Variants in KCTD8 observed in about 807,000 individuals in gnomAD.
The protein encoded by KCTD8 is potassium channel tetramerization domain containing 8.
A neutral mutation model predicts 31.5 loss-of-function variants in KCTD8; 27 were observed. That is an observed-to-expected ratio of 0.86 (90% CI 0.63 to 1.18). The LOEUF is 1.18. Ranked by LOEUF, KCTD8 falls within the 50% of genes most tolerant of loss-of-function variation. The pLI, the probability that KCTD8 is intolerant of heterozygous loss-of-function variation, is 0.00. For missense variants in KCTD8, 658 were observed against 647.7 expected (o/e 1.02, Z -0.17); for synonymous variants, 290 against 280.0 (o/e 1.04, Z -0.36).
intron 1 of KCTD8, among the ~76,000 whole-genome samples, chr4:44,193,104 A>G (rs187326855): frequency 3.2e-4 from 49 of 152,338 alleles, no homozygotes; most frequent in Non-Finnish European, 5.9e-4. Flanking sequence ...CCACTAGTTG[A>G]AAAAGATAAT....
chr4:44,411,012 C>T (rs1720940450), intron 1 of KCTD8, among the ~76,000 whole-genome samples: 1 of 152,104 alleles, frequency 6.6e-6, no homozygotes, highest in South Asian at 2.1e-4. Context: ...AGATTTTACA[C>T]AGGAGTTCTC....
At chr4:44,303,410 C>G (rs571476202) in intron 1 of KCTD8, among the ~76,000 whole-genome samples, 58 of 152,172 alleles carry the variant, frequency 3.8e-4, no homozygotes, top group Admixed American at 3.4e-3. Flanking sequence ...TGTTATTGGT[C>G]TATTCAGAGA....
intron 1 of KCTD8, among the ~76,000 whole-genome samples, chr4:44,314,073 A>G (rs1718030123): frequency 1.3e-5 from 2 of 152,218 alleles, no homozygotes; most frequent in South Asian, 2.1e-4. Context: ...AAGTTAAAAG[A>G]TACAGAAGGT....
chr4:44,357,399 T>C (rs1415927950), intron 1 of KCTD8, among the ~76,000 whole-genome samples: 1 of 152,182 alleles, frequency 6.6e-6, no homozygotes, highest in Non-Finnish European at 1.5e-5. Context: ...AATGAAGCAT[T>C]TGTCTTCCCG....
At chr4:44,218,857 T>G (rs182467344) in intron 1 of KCTD8, among the ~76,000 whole-genome samples, 4 of 152,274 alleles carry the variant, frequency 2.6e-5, no homozygotes, top group African/African-American at 9.6e-5. Flanking sequence ...CTCTGCTTCA[T>G]GAAACTGTAA....
In KCTD8 at chr4:44,396,309, G is replaced by T. The variant is rs544800042; in HGVS notation, c.961+51254C>A. Among the ~76,000 whole-genome samples, 8 of 152,200 alleles carry T rather than the reference G, an allele frequency of 5.3e-5. No homozygotes were observed. The South Asian group carries it at 1.7e-3, about 32-fold the overall frequency. On this transcript the variant is annotated intron_variant, in intron 1 of 1. Coordinates refer to ENST00000360029, the MANE Select transcript of KCTD8 (RefSeq NM_198353.3). The stretch of plus-strand genomic sequence containing the variant: ...TAACAGACAAAATGAAGCTTCACTG[G>T]CTTGCTCATCACTCACCTCCTGCTT...
At chr4:44,316,572 C>T (rs1409276436) in intron 1 of KCTD8, among the ~76,000 whole-genome samples, 4 of 151,916 alleles carry the variant, frequency 2.6e-5, no homozygotes, top group Admixed American at 2.6e-4. Context: ...TGATTACTCC[C>T]TTAAATTGGA....
chr4:44,197,089 C>T (rs1050987152), intron 1 of KCTD8, among the ~76,000 whole-genome samples: 1 of 152,082 alleles, frequency 6.6e-6, no homozygotes, highest in African/African-American at 2.4e-5. Context: ...TCTGTGTTCC[C>T]CCGGAAAACA....
At chr4:44,267,898 T>C (rs1203780146) in intron 1 of KCTD8, among the ~76,000 whole-genome samples, 3 of 152,176 alleles carry the variant, frequency 2.0e-5, no homozygotes, top group Admixed American at 6.5e-5. Flanking sequence ...GTGGCAATTA[T>C]CAATAGCTTA....
At position 44,448,244 on chromosome 4, in the gene KCTD8, G is replaced by A; in HGVS notation, c.280C>T (p.Arg94Trp). 3 of 1,610,870 alleles carry A rather than the reference G, an allele frequency of 1.9e-6. No individual in the cohort carries two copies. The highest frequency in any genetic ancestry group is 2.5e-6 in the Non-Finnish European group (3 of 1,179,066). ...RRRGELPRDS[R>W]ARFFIDRDGF... ...TCCCGGTCGATGAAGAAGCGCGCCC[G>A]GCTGTCCCTGGGCAGCTCGCCCCGG... Residue 94 changes from arginine (R) to tryptophan (W), a missense_variant, in exon 1 of 2, where the codon CGG (arginine) becomes TGG (tryptophan). By Grantham distance (101) the Arg-to-Trp change is moderately radical. Coordinates refer to ENST00000360029, the MANE Select transcript of KCTD8 (RefSeq NM_198353.3). The surrounding 1 kb of genome is among the most constrained non-coding windows in gnomAD (Gnocchi z 4.1).
At chr4:44,272,040 G>A (rs1161195535) in intron 1 of KCTD8, among the ~76,000 whole-genome samples, 1 of 151,544 alleles carries the variant, frequency 6.6e-6, no homozygotes, top group Non-Finnish European at 1.5e-5. Flanking sequence ...TCAGGGAGTT[G>A]AGGGCATCAT....
intron 1 of KCTD8, among the ~76,000 whole-genome samples, chr4:44,338,116 A>G (rs997841896): frequency 8.5e-5 from 13 of 152,116 alleles, no homozygotes; most frequent in Admixed American, 6.6e-4. Flanking sequence ...ACAGGGGTAA[A>G]CAGGTTGAAA....
At chr4:44,235,369 A>G (rs1041077881) in intron 1 of KCTD8, among the ~76,000 whole-genome samples, 4 of 149,576 alleles carry the variant, frequency 2.7e-5, no homozygotes, top group East Asian at 2.0e-4. Flanking sequence ...CATAATTGAG[A>G]CTAGAATAGA....
intron 1 of KCTD8, 47 bp downstream of exon 1, chr4:44,447,516 C>A: frequency 6.8e-7 from 1 of 1,474,158 alleles, no homozygotes; most frequent in South Asian, 1.4e-5. Context: ...GGCGGCGGCT[C>A]AGCAGGGGGC....
chr4:44,367,157 C>A lies in KCTD8; in HGVS notation c.961+80406G>T, dbSNP rs184217364. Reference sequence around the variant, plus strand: ...TTCCACTTCCCCTTCCCCTAGTTAACTTCTGCTTATCCTCTACACCTTACC... The same window carrying A: ...TTCCACTTCCCCTTCCCCTAGTTAAATTCTGCTTATCCTCTACACCTTACC... On this transcript the variant is annotated intron_variant, in intron 1 of 1. Coordinates refer to ENST00000360029, the MANE Select transcript of KCTD8 (RefSeq NM_198353.3). Among the ~76,000 whole-genome samples the A allele has an allele frequency of 2.1e-3, 317 of 152,212 alleles. 1 individual carries two copies. The highest frequency in any genetic ancestry group is 7.3e-3 in the African/African-American group (305 of 41,532).
chr4:44,297,403 C>T (rs1717467204), intron 1 of KCTD8, among the ~76,000 whole-genome samples: 1 of 151,898 alleles, frequency 6.6e-6, no homozygotes, highest in Non-Finnish European at 1.5e-5. Flanking sequence ...ATATTTTTTT[C>T]ACATATAAAT....
intron 1 of KCTD8, among the ~76,000 whole-genome samples, chr4:44,301,126 T>C (rs1046845477): frequency 3.3e-5 from 5 of 152,130 alleles, no homozygotes; most frequent in African/African-American, 1.2e-4. Context: ...TTGTTGGACA[T>C]TTGGGTTGGT....
chr4:44,319,325 G>A (rs760005362), intron 1 of KCTD8, among the ~76,000 whole-genome samples: 14 of 152,192 alleles, frequency 9.2e-5, no homozygotes, highest in Non-Finnish European at 1.6e-4. Context: ...TTGGAGTTTC[G>A]CCCAGCAGGG....
At chr4:44,206,418 T>C (rs565433584) in intron 1 of KCTD8, among the ~76,000 whole-genome samples, 10 of 152,328 alleles carry the variant, frequency 6.6e-5, no homozygotes, top group African/African-American at 1.9e-4. Context: ...GCCCACAGCA[T>C]GTGTACCAAA....
Sources: allele counts gnomAD v4.1 joint callset (sites outside exome capture counted in the v4.1 genomes callset), GRCh38; gene constraint gnomAD v4.1.1; non-coding constraint Gnocchi (gnomAD v3.1); transcripts MANE v1.5; gene names NCBI Gene and HGNC (gene_info 2026-07-23, HGNC 2026-07-21).